Variants in CDK19 observed in about 807,000 individuals in gnomAD.
CDK19 encodes the protein cyclin-dependent kinase 19.
CDK19 carries 20 observed loss-of-function variants against 68.3 expected under a neutral mutation model. That is an observed-to-expected ratio of 0.29 (90% CI 0.21 to 0.43). The LOEUF is 0.43. Ranked by LOEUF, CDK19 falls within the 20% of genes least tolerant of loss-of-function variation. The pLI, the probability that CDK19 is intolerant of heterozygous loss-of-function variation, is 1.00. For missense variants in CDK19, 339 were observed against 623.5 expected (o/e 0.54, Z 4.86); for synonymous variants, 221 against 222.8 (o/e 0.99, Z 0.07).
intron 2 of CDK19, among the ~76,000 whole-genome samples, chr6:110,711,009 A>G (rs1774900604): frequency 6.6e-6 from 1 of 152,352 alleles, no homozygotes. Flanking sequence ...TCAGTTATGA[A>G]TATTAGAGAC....
chr6:110,810,457 AGGAT>A (rs1463193248), intron 1 of CDK19, among the ~76,000 whole-genome samples: 2 of 152,202 alleles, frequency 1.3e-5, no homozygotes, highest in African/African-American at 4.8e-5. Flanking sequence ...GTTGACAGTG[AGGAT>A]GAAGAAAAAA....
chr6:110,748,645 C>T (rs1189993995), intron 1 of CDK19, among the ~76,000 whole-genome samples: 3 of 152,188 alleles, frequency 2.0e-5, no homozygotes, highest in Non-Finnish European at 2.9e-5. Context: ...CACTGTACTA[C>T]GTGAATGCCA....
intron 1 of CDK19, among the ~76,000 whole-genome samples, chr6:110,766,739 C>A (rs1583053549): frequency 6.6e-6 from 1 of 152,256 alleles, no homozygotes; most frequent in East Asian, 1.9e-4. Flanking sequence ...ATGGCTCATG[C>A]CTGTAATCGC....
intron 1 of CDK19, among the ~76,000 whole-genome samples, chr6:110,787,087 C>T (rs1781274134): frequency 6.6e-6 from 1 of 152,012 alleles, no homozygotes. Context: ...AAAACCTATT[C>T]AGGGCCAGGC....
chr6:110,717,689 T>C (rs1775513305), intron 2 of CDK19, among the ~76,000 whole-genome samples: 1 of 152,128 alleles, frequency 6.6e-6, no homozygotes, highest in Non-Finnish European at 1.5e-5. Context: ...ATGAGATTAG[T>C]GCCTTTGTTT....
chr6:110,651,252 T>C (rs918792342), intron 4 of CDK19, among the ~76,000 whole-genome samples: 1 of 151,808 alleles, frequency 6.6e-6, no homozygotes, highest in Non-Finnish European at 1.5e-5. Context: ...TATCTATCTA[T>C]CTATCTATCT....
At chr6:110,703,957 T>C (rs529512269) in intron 2 of CDK19, among the ~76,000 whole-genome samples, 217 of 152,370 alleles carry the variant, frequency 1.4e-3, no homozygotes, top group African/African-American at 4.9e-3. Context: ...TTAGAGTGTT[T>C]ACCTATGAAG....
chr6:110,710,727 G>A (rs1232134529), intron 2 of CDK19, among the ~76,000 whole-genome samples: 1 of 152,140 alleles, frequency 6.6e-6, no homozygotes, highest in African/African-American at 2.4e-5. Context: ...TCATGAGTGT[G>A]AAGCTGTAGT....
At chr6:110,748,561 T>C (rs887994813) in intron 1 of CDK19, among the ~76,000 whole-genome samples, 2 of 152,240 alleles carry the variant, frequency 1.3e-5, no homozygotes, top group African/African-American at 4.8e-5. Context: ...AGATGGTAAG[T>C]GATGATGCAG....
At position 110,811,675 on chromosome 6, in the gene CDK19, T is replaced by G. The variant is rs148728391; in HGVS notation, c.128+3334A>C. Among the ~76,000 whole-genome samples the G allele has an allele frequency of 6.6e-4, 100 of 152,272 alleles. 2 individuals carry two copies. In the East Asian group the frequency reaches 0.016, roughly 25 times the overall value. ...GCGACTTCTTAATAATGAAGAAAAT[T>G]TATTTTATGAATTCTTGCTTGTATT... is the stretch of plus-strand genomic sequence containing the variant. On this transcript the variant is annotated intron_variant, in intron 1 of 12. Coordinates refer to ENST00000368911, the MANE Select transcript of CDK19 (RefSeq NM_015076.5).
At chr6:110,747,264 T>C (rs572313692) in intron 1 of CDK19, among the ~76,000 whole-genome samples, 5 of 152,340 alleles carry the variant, frequency 3.3e-5, no homozygotes, top group African/African-American at 1.2e-4. Context: ...AAAACACCAT[T>C]TTAAATCCCT....
chr6:110,773,087 T>C (rs2115001211), intron 1 of CDK19, among the ~76,000 whole-genome samples: 1 of 151,528 alleles, frequency 6.6e-6, no homozygotes, highest in Admixed American at 6.6e-5. Context: ...AAAAACATAT[T>C]TTACAAGTGT....
rs528923318 is a variant in CDK19 at position 110,743,448 on chromosome 6, C to T, written c.204+2678G>A. On this transcript the variant is annotated intron_variant, in intron 2 of 12. Transcript: ENST00000368911. ...CTTGAGGTCAGGTGTTCAAGACCAG[C>T]CTGGCCAACTTGGTGAAACCCTGTC... Among the ~76,000 whole-genome samples, 337 of 151,966 alleles carry T rather than the reference C, an allele frequency of 2.2e-3. 3 individuals are homozygous for T. The highest frequency in any genetic ancestry group is 3.4e-3 in the Non-Finnish European group (228 of 67,960).
At chr6:110,789,359 A>C (rs1247783728) in intron 1 of CDK19, among the ~76,000 whole-genome samples, 4 of 151,658 alleles carry the variant, frequency 2.6e-5, no homozygotes, top group Non-Finnish European at 5.9e-5. Flanking sequence ...GCTCACTGCA[A>C]CCTCCACTTC....
At chr6:110,668,709 G>A (rs1160406990) in intron 3 of CDK19, among the ~76,000 whole-genome samples, 2 of 152,052 alleles carry the variant, frequency 1.3e-5, no homozygotes, top group African/African-American at 4.8e-5. Flanking sequence ...GTGTATGCCT[G>A]TAATCCCAGC....
chr6:110,622,272 C>T (rs1446128816), intron 10 of CDK19, 106 bp from the exon 11 acceptor site: 9 of 775,532 alleles, frequency 1.2e-5, no homozygotes, highest in East Asian at 2.6e-5. Flanking sequence ...ATTTCCTACT[C>T]TTCATCTGTG....
intron 4 of CDK19, among the ~76,000 whole-genome samples, chr6:110,651,604 C>T (rs992322239): frequency 1.7e-4 from 26 of 152,208 alleles, no homozygotes; most frequent in South Asian, 4.1e-4. Flanking sequence ...ATTTGGTTTA[C>T]TAGTATTTTA....
At chr6:110,814,443 C>G in intron 1 of CDK19, 3 of 359,124 alleles carry the variant, frequency 8.4e-6, no homozygotes, top group Non-Finnish European at 1.6e-5. Flanking sequence ...GAGAAGCCAA[C>G]GGGCCGGCCA....
intron 2 of CDK19, among the ~76,000 whole-genome samples, chr6:110,708,333 C>A (rs112726630): frequency 8.5e-5 from 13 of 152,282 alleles, no homozygotes; most frequent in African/African-American, 3.1e-4. Context: ...CCCTCTCTAT[C>A]CTACTCCTGA....
Sources: allele counts gnomAD v4.1 joint callset (sites outside exome capture counted in the v4.1 genomes callset), GRCh38; gene constraint gnomAD v4.1.1; transcripts MANE v1.5; gene names NCBI Gene and HGNC (gene_info 2026-07-23, HGNC 2026-07-21).